CELF2: variants seen among roughly 807,000 people sequenced by gnomAD.
The protein encoded by CELF2 is CUGBP Elav-like family member 2, also known as CUG triplet repeat RNA-binding protein 2.
CELF2 carries 8 observed loss-of-function variants against 62.6 expected under a neutral mutation model. The observed-to-expected ratio is 0.13, with a 90% CI of 0.07 to 0.23. The LOEUF (loss-of-function observed/expected upper bound fraction) is 0.23, where lower values mean the gene tolerates loss of function less well. Among genes scored for constraint, CELF2 ranks in the 10% least tolerant of loss-of-function variants. CELF2 has a pLI of 1.00. For synonymous variants in CELF2, 258 were observed against 250.0 expected (o/e 1.03, Z -0.30); for missense variants, 333 against 671.0 (o/e 0.50, Z 5.56).
chr10:10,527,718 ACAGTTCTT>A, the CELF2 span, among the ~76,000 whole-genome samples: 2 of 152,172 alleles, frequency 1.3e-5, no homozygotes, highest in African/African-American at 4.8e-5. Context: ...ATAGGTGACA[ACAGTTCTT>A]TATGCGGAAG....
chr10:10,640,172 G>T, the CELF2 span, among the ~76,000 whole-genome samples: 1 of 152,152 alleles, frequency 6.6e-6, no homozygotes, highest in South Asian at 2.1e-4. Context: ...TGTCTCACCA[G>T]TGATATATTA....
intron 1 of CELF2, among the ~76,000 whole-genome samples, chr10:11,073,015 T>C (rs1344720122): frequency 2.0e-5 from 3 of 152,032 alleles, no homozygotes; most frequent in Non-Finnish European, 4.4e-5. Context: ...CACACTCTTA[T>C]TGTACAACAT....
chr10:10,797,852 A>T (rs758892576), upstream of CELF2, among the ~76,000 whole-genome samples: 1 of 152,238 alleles, frequency 6.6e-6, no homozygotes, highest in Non-Finnish European at 1.5e-5. Context: ...GGGCGAAGGG[A>T]TAAGGAGACA....
chr10:10,541,356 G>C, the CELF2 span, among the ~76,000 whole-genome samples: 1 of 152,008 alleles, frequency 6.6e-6, no homozygotes, highest in Non-Finnish European at 1.5e-5. Context: ...AGGGTTCTTG[G>C]ACCTCATGCA....
intron 2 of CELF2, among the ~76,000 whole-genome samples, chr10:10,932,328 A>G (rs1406531332): frequency 1.3e-5 from 2 of 152,130 alleles, no homozygotes. Context: ...ACTTTGGGAG[A>G]TCTATTGTAC....
intron 2 of CELF2, among the ~76,000 whole-genome samples, chr10:11,205,277 G>A (rs1565288186): frequency 1.3e-5 from 2 of 152,192 alleles, no homozygotes; most frequent in East Asian, 1.9e-4. Flanking sequence ...CGCAGCCTGC[G>A]GCAGGCCTGT....
rs994715878 is a variant in CELF2 at position 11,300,881 on chromosome 10, A to G, written c.976+12329A>G. On this transcript the variant is annotated intron_variant, in intron 9 of 12. Transcript: ENST00000633077. This position sits in a 1 kb window ranked among gnomAD's most constrained non-coding sequence, Gnocchi z 5.5. ...ACCACAAAGCCACTGTGTTTTCACT[A>G]TCTAATTGTTCTGTGGAAAGTGTTT... Among the ~76,000 whole-genome samples the G allele has an allele frequency of 3.3e-5, 5 of 152,210 alleles. No homozygotes were observed. Among genetic ancestry groups the G allele is most frequent in the Non-Finnish European group, 2.9e-5 (2 of 68,038 alleles).
intron 2 of CELF2, among the ~76,000 whole-genome samples, chr10:10,986,676 T>A (rs145115060): frequency 3.9e-5 from 6 of 152,268 alleles, no homozygotes; most frequent in African/African-American, 1.4e-4. Flanking sequence ...ATTAATAAAT[T>A]CAAGGGGATC....
chr10:10,888,827 G>A (rs1019276348), intron 1 of CELF2, among the ~76,000 whole-genome samples: 6 of 152,124 alleles, frequency 3.9e-5, no homozygotes, highest in African/African-American at 7.2e-5. Flanking sequence ...CTTTCAGCAC[G>A]TTGTACATAT....
At chr10:10,740,506 C>CA in the CELF2 span, among the ~76,000 whole-genome samples, 3 of 151,996 alleles carry the variant, frequency 2.0e-5, no homozygotes, top group African/African-American at 7.2e-5. Context: ...GGAGGTTCCT[C>CA]AAAAAATTGA....
chr10:10,588,783 G>A, the CELF2 span, among the ~76,000 whole-genome samples: 1 of 152,152 alleles, frequency 6.6e-6, no homozygotes, highest in African/African-American at 2.4e-5. Context: ...TATTCTCAAG[G>A]TATTCCAGAC....
the CELF2 span, among the ~76,000 whole-genome samples, chr10:10,523,835 C>T: frequency 6.6e-6 from 1 of 152,108 alleles, no homozygotes; most frequent in Non-Finnish European, 1.5e-5. Flanking sequence ...GAAGAGTTAC[C>T]AACAGTGTTC....
chr10:10,477,636 G>A, the CELF2 span, among the ~76,000 whole-genome samples: 1 of 151,998 alleles, frequency 6.6e-6, no homozygotes, highest in Non-Finnish European at 1.5e-5. Context: ...AAGTAAATAG[G>A]ATTAAGAGCT....
intron 1 of CELF2, among the ~76,000 whole-genome samples, chr10:11,032,566 G>C (rs1210982841): frequency 6.6e-6 from 1 of 152,216 alleles, no homozygotes; most frequent in African/African-American, 2.4e-5. Context: ...CTAATGAGAG[G>C]AAGAATTTAT....
rs2067174560 is a variant in CELF2 at position 11,227,900 on chromosome 10, G to T, written c.354+10393G>T. ...GGTCGCTGGGTGTATTTTAATCTGTGACATTCCACACTTTGTGTACTCACC... is the reference window on the plus strand; with the variant it reads ...GGTCGCTGGGTGTATTTTAATCTGTTACATTCCACACTTTGTGTACTCACC... On this transcript the variant is annotated intron_variant, in intron 3 of 12. Coordinates refer to ENST00000633077, the MANE Select transcript of CELF2 (RefSeq NM_001326342.2). This position sits in a 1 kb window ranked among gnomAD's most constrained non-coding sequence, Gnocchi z 4.8. 6.6e-6 allele frequency among the ~76,000 whole-genome samples: 1 copy of T among 152,126 alleles called. No individual in the cohort carries two copies. The highest frequency in any genetic ancestry group is 2.4e-5 in the African/African-American group (1 of 41,430).
At chr10:10,753,722 T>C in the CELF2 span, among the ~76,000 whole-genome samples, 1 of 152,226 alleles carries the variant, frequency 6.6e-6, no homozygotes, top group Non-Finnish European at 1.5e-5. Flanking sequence ...TTCCTAATTT[T>C]CCTACCTTAG....
chr10:11,264,855 A>G (rs1002665545), intron 5 of CELF2, among the ~76,000 whole-genome samples: 3 of 152,254 alleles, frequency 2.0e-5, no homozygotes, highest in African/African-American at 7.2e-5. Context: ...AGAGAACCAC[A>G]TGAGACAGCT....
intron 2 of CELF2, among the ~76,000 whole-genome samples, chr10:11,174,506 A>G (rs1256091768): frequency 1.3e-5 from 2 of 152,344 alleles, no homozygotes; most frequent in East Asian, 3.9e-4. Context: ...CCCATAAGAT[A>G]CACTCTGGAC....
the CELF2 span, chr10:10,792,566 C>A: frequency 2.5e-6 from 1 of 396,354 alleles, no homozygotes; most frequent in African/African-American, 2.1e-5. Flanking sequence ...TCTAAAGCTG[C>A]CATTCAAAGA....
Sources: allele counts gnomAD v4.1 joint callset (sites outside exome capture counted in the v4.1 genomes callset), GRCh38; gene constraint gnomAD v4.1.1; non-coding constraint Gnocchi (gnomAD v3.1); transcripts MANE v1.5; gene names NCBI Gene and HGNC (gene_info 2026-07-23, HGNC 2026-07-21).